RGS22: variants seen among roughly 807,000 people sequenced by gnomAD.
RGS22 encodes regulator of G-protein signaling 22.
Under a neutral mutation model 172.9 loss-of-function variants are expected in RGS22, and 148 were observed. The observed-to-expected ratio is 0.86, with a 90% confidence interval of 0.75 to 0.98. RGS22 has a LOEUF of 0.98. RGS22 is among the 50% of genes least tolerant of loss of function. RGS22 has a pLI of 0.00. For missense variants in RGS22, 1,347 were observed against 1,440.8 expected (o/e 0.93, Z 1.05); for synonymous variants, 458 against 480.2 (o/e 0.95, Z 0.60).
intron 4 of RGS22, among the ~76,000 whole-genome samples, chr8:100,076,195 T>C (rs1811333440): frequency 6.6e-6 from 1 of 152,238 alleles, no homozygotes; most frequent in Non-Finnish European, 1.5e-5. Flanking sequence ...TTCTTGGTAG[T>C]GTCCTTTAGA....
intron 22 of RGS22, among the ~76,000 whole-genome samples, chr8:99,981,702 A>AT (rs1460121712): frequency 6.7e-6 from 1 of 150,202 alleles, no homozygotes; most frequent in Non-Finnish European, 1.5e-5. Flanking sequence ...TATCTTTTTA[A>AT]TTTTTATTTA....
chr8:100,080,649 A>G, intron 3 of RGS22: 1 of 280,822 alleles, frequency 3.6e-6, no homozygotes, highest in Non-Finnish European at 6.7e-6. Context: ...GGAGAGAAAT[A>G]TATACCTGGC....
chr8:100,009,150 G>C (rs1816076122), intron 14 of RGS22, among the ~76,000 whole-genome samples: 1 of 152,034 alleles, frequency 6.6e-6, no homozygotes, highest in African/African-American at 2.4e-5. Context: ...AGGTGCAGTG[G>C]CTCATGCCTG....
intron 10 of RGS22, among the ~76,000 whole-genome samples, chr8:100,051,858 TATAA>T (rs1821562930): frequency 3.0e-5 from 2 of 66,688 alleles, no homozygotes; most frequent in South Asian, 1.1e-3. Context: ...TATATTTATA[TATAA>T]ATGTTTATAT....
At chr8:99,961,309 G>C in intron 27 of RGS22, 113 bp from the exon 28 acceptor site, 1 of 390,480 alleles carries the variant, frequency 2.6e-6, no homozygotes. Flanking sequence ...TGGTTTGGCT[G>C]TGTCCCCACC....
chr8:99,986,090 C>T (rs1026267759), intron 21 of RGS22, among the ~76,000 whole-genome samples: 5 of 151,944 alleles, frequency 3.3e-5, no homozygotes, highest in East Asian at 1.9e-4. Context: ...ATTAGCCAGG[C>T]ATGGTGGTGC....
chr8:100,051,791 A>ATATATATT (rs1157972477), intron 10 of RGS22, among the ~76,000 whole-genome samples: 2 of 42,842 alleles, frequency 4.7e-5, no homozygotes, highest in Non-Finnish European at 7.8e-5. Context: ...TTATATATAA[A>ATATATATT]TATATATTTA....
chr8:99,981,242 A>C (rs1812516476), intron 22 of RGS22, among the ~76,000 whole-genome samples: 1 of 152,214 alleles, frequency 6.6e-6, no homozygotes, highest in Non-Finnish European at 1.5e-5. Context: ...TCTTAAAAAG[A>C]AGTAACTTGA....
chr8:100,083,996 C>T (rs776995668), intron 3 of RGS22, among the ~76,000 whole-genome samples: 18 of 151,482 alleles, frequency 1.2e-4, no homozygotes, highest in Non-Finnish European at 2.4e-4. Flanking sequence ...CGCCACGACG[C>T]CCAACTAATT....
intron 20 of RGS22, among the ~76,000 whole-genome samples, chr8:99,990,223 G>A (rs896123412): frequency 5.9e-5 from 9 of 152,114 alleles, no homozygotes; most frequent in Admixed American, 3.9e-4. Context: ...AATGAGCTAT[G>A]ATCATACTAC....
intron 23 of RGS22, among the ~76,000 whole-genome samples, chr8:99,975,518 A>C (rs549193172): frequency 6.6e-6 from 1 of 152,040 alleles, no homozygotes; most frequent in Non-Finnish European, 1.5e-5. Flanking sequence ...AGAAGACCCA[A>C]GGCCTAGCAT....
rs1237522116 is a variant in RGS22 at position 100,040,030 on chromosome 8, G to C, written c.1996C>G (p.Gln666Glu). Residue 666 changes from glutamine (Q) to glutamate (E), a missense_variant, in exon 13 of 28, where the codon CAA (glutamine) becomes GAA (glutamate). By Grantham distance (29) the Gln-to-Glu change is conservative. Coordinates refer to ENST00000360863, the MANE Select transcript of RGS22 (RefSeq NM_015668.5). ...GCTCTATTTTCTACATACAAAGATT[G>C]CAACAAATTTTCCATGTCAGATCCT... ...LGGSDMENLL[Q>E]SLYVENRAGF... 1.9e-6 allele frequency: 3 copies of C among 1,609,182 alleles called. No homozygotes were observed. Among genetic ancestry groups the C allele is most frequent in the Middle Eastern group, 3.3e-4 (2 of 6,048 alleles).
chr8:99,991,430 A>G (rs1053303090), intron 20 of RGS22, among the ~76,000 whole-genome samples: 4 of 152,230 alleles, frequency 2.6e-5, no homozygotes, highest in Non-Finnish European at 5.9e-5. Flanking sequence ...AAATGACCTG[A>G]TGGAGCTGAA....
chr8:100,084,139 A>G (rs1811992313), intron 3 of RGS22, among the ~76,000 whole-genome samples: 1 of 152,154 alleles, frequency 6.6e-6, no homozygotes, highest in African/African-American at 2.4e-5. Context: ...GCCCGGCCAC[A>G]TAATTTTAGT....
Position 100,010,258 on chromosome 8 carries a change from C to T in RGS22, c.2167-1689G>A, listed in dbSNP as rs1347220272. 2.6e-5 allele frequency among the ~76,000 whole-genome samples: 4 copies of T among 152,030 alleles called. No individual in the cohort carries two copies. In the South Asian group the frequency reaches 6.2e-4, roughly 24 times the overall value. ...ATCCCAGCACTTTGGGAGGCCGAGG[C>T]GGGCACATCACGAGGTCAAGAGATC... On this transcript the variant is annotated intron_variant, in intron 14 of 27. Coordinates refer to ENST00000360863, the MANE Select transcript of RGS22 (RefSeq NM_015668.5).
rs751606574 is a variant in RGS22 at position 99,996,544 on chromosome 8, C to T, written c.2950-14G>A. 1 of 1,604,562 alleles carries T rather than the reference C, an allele frequency of 6.2e-7. No individual in the cohort carries two copies. Among genetic ancestry groups the T allele is most frequent in the Non-Finnish European group, 8.5e-7 (1 of 1,172,940 alleles). ...TTTCATCTGTACCTGAAAGCAAAAC[C>T]AATTATTTTATCCCAGTTATTCAGA... On this transcript the variant is annotated splice_polypyrimidine_tract_variant and intron_variant, in intron 19 of 27. Coordinates refer to ENST00000360863, the MANE Select transcript of RGS22 (RefSeq NM_015668.5).
At chr8:100,083,169 G>A (rs906683502) in intron 3 of RGS22, among the ~76,000 whole-genome samples, 8 of 152,174 alleles carry the variant, frequency 5.3e-5, no homozygotes, top group African/African-American at 1.9e-4. Context: ...TTGCTTGTCA[G>A]CTCATGAGCT....
chr8:100,081,014 C>T (rs550522112), intron 3 of RGS22, among the ~76,000 whole-genome samples: 27 of 152,262 alleles, frequency 1.8e-4, no homozygotes, highest in African/African-American at 6.5e-4. Context: ...CTAGGTAAAT[C>T]ACTGAACATT....
intron 26 of RGS22, 97 bp downstream of exon 26, chr8:99,962,590 A>T (rs1810323133): frequency 3.5e-6 from 5 of 1,416,190 alleles, no homozygotes; most frequent in Non-Finnish European, 4.9e-6. Flanking sequence ...GTCGGTCCTC[A>T]CCCCTTCCTC....
Sources: gnomAD v4.1 joint callset for allele counts (sites outside exome capture counted in the v4.1 genomes callset) on GRCh38, gnomAD v4.1.1 for gene constraint, MANE v1.5 for transcripts, NCBI Gene and HGNC (gene_info 2026-07-23, HGNC 2026-07-21) for gene names.